Variants in STAG1 observed in about 807,000 individuals in gnomAD.
STAG1 encodes STAG1 cohesin complex component.
A neutral mutation model predicts 170.9 loss-of-function variants in STAG1; 26 were observed. That is an observed-to-expected ratio of 0.15 (90% confidence interval 0.11 to 0.21). STAG1 has a LOEUF of 0.21. Ranked by LOEUF, STAG1 falls within the 10% of genes least tolerant of loss-of-function variation. The pLI is 1.00. For missense variants in STAG1, 964 were observed against 1,509.5 expected, an observed-to-expected ratio of 0.64 and a Z score of 5.99; for synonymous variants, 514 against 497.7, an observed-to-expected ratio of 1.03 and a Z score of -0.44.
chr3:136,673,623 C>T (rs368062521), intron 1 of STAG1, among the ~76,000 whole-genome samples: 7 of 152,162 alleles, frequency 4.6e-5, no homozygotes, highest in African/African-American at 1.7e-4. Flanking sequence ...ATTATGTCAA[C>T]CTGTTATCAT....
intron 1 of STAG1, among the ~76,000 whole-genome samples, chr3:136,661,907 A>G (rs1396140541): frequency 2.6e-5 from 4 of 152,244 alleles, no homozygotes; most frequent in Non-Finnish European, 5.9e-5. Context: ...TCAAAGTCAC[A>G]CAGCCAGCAA....
intron 4 of STAG1, among the ~76,000 whole-genome samples, chr3:136,594,202 T>C (rs1381343717): frequency 6.6e-6 from 1 of 152,204 alleles, no homozygotes; most frequent in African/African-American, 2.4e-5. Context: ...GCTGCTTTCC[T>C]CTTTCCTTGG....
chr3:136,383,936 C>T (rs1938118700), intron 22 of STAG1, among the ~76,000 whole-genome samples: 2 of 128,348 alleles, frequency 1.6e-5, no homozygotes, highest in Admixed American at 1.9e-4. Flanking sequence ...GCCTGGGCAA[C>T]AGTGCAAGAC....
chr3:136,508,361 T>C (rs1470202106), intron 7 of STAG1, among the ~76,000 whole-genome samples: 3 of 152,072 alleles, frequency 2.0e-5, no homozygotes, highest in Non-Finnish European at 4.4e-5. Flanking sequence ...AAATAGGTTT[T>C]CTAGAGAGGA....
intron 22 of STAG1, among the ~76,000 whole-genome samples, chr3:136,386,797 G>T (rs1396484179): frequency 3.3e-5 from 5 of 151,860 alleles, no homozygotes; most frequent in Non-Finnish European, 1.5e-5. Context: ...ATTTAGTTGC[G>T]TTTTCATCCA....
At chr3:136,714,629 G>A (rs1943470624) in intron 1 of STAG1, among the ~76,000 whole-genome samples, 1 of 152,010 alleles carries the variant, frequency 6.6e-6, no homozygotes, top group Non-Finnish European at 1.5e-5. Flanking sequence ...TTGGGAGGCT[G>A]AGGCAGGAGA....
intron 1 of STAG1, among the ~76,000 whole-genome samples, chr3:136,709,375 A>T (rs1410299162): frequency 6.6e-6 from 1 of 152,106 alleles, no homozygotes; most frequent in African/African-American, 2.4e-5. Flanking sequence ...AATTTATTAT[A>T]TAGGAAAGCA....
intron 16 of STAG1, among the ~76,000 whole-genome samples, chr3:136,429,540 G>T (rs2088233609): frequency 6.6e-6 from 1 of 152,164 alleles, no homozygotes; most frequent in African/African-American, 2.4e-5. Flanking sequence ...TAGATAATTT[G>T]GCAGAAGAGT....
chr3:136,526,080 G>T (rs1477287049), intron 6 of STAG1, among the ~76,000 whole-genome samples: 2 of 152,176 alleles, frequency 1.3e-5, no homozygotes, highest in East Asian at 1.9e-4. Flanking sequence ...CTGTTAATTT[G>T]GGGTGGAGAG....
chr3:136,442,161 G>A (rs1224974822), intron 15 of STAG1, among the ~76,000 whole-genome samples: 1 of 152,182 alleles, frequency 6.6e-6, no homozygotes, highest in East Asian at 1.9e-4. Flanking sequence ...ATGCGCCACT[G>A]CACTCCAGTG....
intron 12 of STAG1, among the ~76,000 whole-genome samples, chr3:136,469,421 T>C (rs1390790548): frequency 5.3e-5 from 8 of 151,254 alleles, no homozygotes; most frequent in Non-Finnish European, 3.0e-5. Context: ...GGAATCCAAC[T>C]TACAAGGGAT....
At chr3:136,669,561 G>A (rs895655715) in intron 1 of STAG1, among the ~76,000 whole-genome samples, 2 of 152,008 alleles carry the variant, frequency 1.3e-5, no homozygotes, top group Non-Finnish European at 2.9e-5. Flanking sequence ...GTCTCACCAT[G>A]TTGCTCAGGC....
chr3:136,602,113 G>A (rs1457250625), intron 4 of STAG1, among the ~76,000 whole-genome samples: 3 of 151,884 alleles, frequency 2.0e-5, no homozygotes, highest in Non-Finnish European at 2.9e-5. Flanking sequence ...GGGCACAGTG[G>A]CTCACGTCTA....
chr3:136,723,981 G>C (rs534674932), intron 1 of STAG1, among the ~76,000 whole-genome samples: 2 of 150,706 alleles, frequency 1.3e-5, no homozygotes, highest in South Asian at 4.2e-4. Context: ...AGGGAGGTGG[G>C]GGGGTCAGCC....
At chr3:136,562,449 C>T (rs1322416301) in intron 5 of STAG1, among the ~76,000 whole-genome samples, 5 of 148,588 alleles carry the variant, frequency 3.4e-5, no homozygotes, top group Admixed American at 6.8e-5. Context: ...TTAGTAGAGA[C>T]GGGGTTTCAC....
chr3:136,715,722 A>T (rs1454853792), intron 1 of STAG1, among the ~76,000 whole-genome samples: 1 of 152,236 alleles, frequency 6.6e-6, no homozygotes, highest in African/African-American at 2.4e-5. Flanking sequence ...ACAAAAGGCA[A>T]ATAAATGGGA....
intron 4 of STAG1, among the ~76,000 whole-genome samples, chr3:136,584,458 T>C (rs974345570): frequency 6.6e-6 from 1 of 152,216 alleles, no homozygotes; most frequent in African/African-American, 2.4e-5. Flanking sequence ...AAAAGACTGA[T>C]CAGCCTTTAG....
chr3:136,368,029 T>C (rs1460156819), intron 24 of STAG1, among the ~76,000 whole-genome samples: 9 of 152,176 alleles, frequency 5.9e-5, no homozygotes, highest in Admixed American at 3.3e-4. Context: ...CAAAAAGAAC[T>C]TGCTGTCAGT....
intron 18 of STAG1, 76 bp downstream of exon 18, chr3:136,422,692 A>G (rs2087993328): frequency 3.3e-6 from 5 of 1,510,400 alleles, no homozygotes; most frequent in Non-Finnish European, 4.5e-6. Context: ...TCAAATAACA[A>G]GTCTATAAGA....
Sources: allele counts gnomAD v4.1 joint callset (sites outside exome capture counted in the v4.1 genomes callset), GRCh38; gene constraint gnomAD v4.1.1; transcripts MANE v1.5; gene names NCBI Gene and HGNC (gene_info 2026-07-23, HGNC 2026-07-21).